WNT3A: variants seen among roughly 807,000 people sequenced by gnomAD.
WNT3A encodes the protein Wnt family member 3A.
A neutral mutation model predicts 37.0 loss-of-function variants in WNT3A; 17 were observed. The observed-to-expected ratio is 0.46, with a 90% confidence interval of 0.31 to 0.69. The LOEUF is 0.69. Ranked by LOEUF, WNT3A falls within the 30% of genes least tolerant of loss-of-function variation. WNT3A has a pLI of 0.05. For missense variants in WNT3A, 411 were observed against 510.2 expected (o/e 0.81, Z 1.87); for synonymous variants, 187 against 211.0 (o/e 0.89, Z 0.99).
chr1:228,018,868 T>C (rs2030610259), intron 1 of WNT3A, among the ~76,000 whole-genome samples: 1 of 152,210 alleles, frequency 6.6e-6, no homozygotes, highest in Non-Finnish European at 1.5e-5. Flanking sequence ...CCAGGCCTTC[T>C]GGTGGCCTGG....
At chr1:228,025,112 G>A (rs937080971) in intron 2 of WNT3A, among the ~76,000 whole-genome samples, 4 of 152,048 alleles carry the variant, frequency 2.6e-5, no homozygotes, top group Admixed American at 2.0e-4. Flanking sequence ...AGATTGTTTG[G>A]GGGGGACAGG....
intron 3 of WNT3A, among the ~76,000 whole-genome samples, chr1:228,054,379 C>G (rs1434833717): frequency 1.3e-5 from 2 of 151,966 alleles, no homozygotes; most frequent in Non-Finnish European, 2.9e-5. Context: ...AATCCCAGCA[C>G]TTTGGGAGGC....
chr1:228,040,970 T>TA (rs1571807735), intron 2 of WNT3A, among the ~76,000 whole-genome samples: 1 of 128,404 alleles, frequency 7.8e-6, no homozygotes, highest in Admixed American at 7.8e-5. Context: ...TGGTAGATAT[T>TA]TTATATATAT....
chr1:228,047,234 T>A (rs1041958764), intron 2 of WNT3A, among the ~76,000 whole-genome samples: 4 of 152,058 alleles, frequency 2.6e-5, no homozygotes, highest in Non-Finnish European at 5.9e-5. Flanking sequence ...GACAGGGCCC[T>A]AGGGAGGGAC....
chr1:228,043,359 T>C (rs1364355267), intron 2 of WNT3A, among the ~76,000 whole-genome samples: 1 of 152,196 alleles, frequency 6.6e-6, no homozygotes, highest in Non-Finnish European at 1.5e-5. Flanking sequence ...CCAGGTGACT[T>C]GGCCAAATTG....
In WNT3A at chr1:228,031,908, C is replaced by T. The variant is rs2031020238; in HGVS notation, c.313+9000C>T. Among the ~76,000 whole-genome samples the T allele has an allele frequency of 1.3e-5, 2 of 152,146 alleles. No individual in the cohort carries two copies. Among genetic ancestry groups the T allele is most frequent in the African/African-American group, 4.8e-5 (2 of 41,412 alleles). On this transcript the variant is annotated intron_variant, in intron 2 of 3. Coordinates refer to ENST00000284523, the MANE Select transcript of WNT3A (RefSeq NM_033131.4). The surrounding 1 kb of genome is among the most constrained non-coding windows in gnomAD (Gnocchi z 4.8). The stretch of plus-strand genomic sequence containing the variant: ...CAGGATGGGGTGCTTAGGGCTGCCA[C>T]TCCCCCTCTGAGAAGGAAGCAGCGA...
intron 1 of WNT3A, among the ~76,000 whole-genome samples, chr1:228,013,293 C>G (rs990970152): frequency 4.6e-5 from 7 of 152,204 alleles, no homozygotes; most frequent in African/African-American, 1.4e-4. Context: ...ATCCCCCACC[C>G]CACCCCTCAC....
At chr1:228,020,439 C>T (rs1225622868) in intron 1 of WNT3A, among the ~76,000 whole-genome samples, 1 of 152,240 alleles carries the variant, frequency 6.6e-6, no homozygotes, top group African/African-American at 2.4e-5. Context: ...CAGTCCAGGT[C>T]ACAGACAGCT....
At chr1:228,019,279 T>C (rs3094913) in intron 1 of WNT3A, among the ~76,000 whole-genome samples, 67,780 of 152,084 alleles carry the variant, frequency 0.45, 16,665 homozygotes, top group Middle Eastern at 0.61. Flanking sequence ...GGTCATAGTG[T>C]TCTGGGGGTG....
rs1571819296 is a variant in WNT3A at position 228,059,300 on chromosome 1, C to T, written c.894C>T (p.Asn298=). The change falls in exon 4 of 4, where the codon AAC becomes AAT. Residue 298 remains asparagine, a synonymous_variant. Coordinates refer to ENST00000284523, the MANE Select transcript of WNT3A (RefSeq NM_033131.4). ...GSFGTRDRTC[N]VSSHGIDGCD... ...TCGGCACGCGCGACCGCACCTGCAA[C>T]GTCAGCTCGCACGGCATCGACGGCT... The T allele has an allele frequency of 1.9e-6, 3 of 1,585,318 alleles. No homozygotes were observed. The Admixed American group carries it at 5.3e-5, about 28-fold the overall frequency.
intron 2 of WNT3A, among the ~76,000 whole-genome samples, chr1:228,027,164 T>C (rs1040383240): frequency 2.6e-5 from 4 of 152,240 alleles, no homozygotes; most frequent in Admixed American, 1.3e-4. Flanking sequence ...GTTTTCTTTA[T>C]CCACTTGTGA....
rs1014380365 is a variant in WNT3A, at chr1:228,030,429, A to T, written c.313+7521A>T. Among the ~76,000 whole-genome samples, 7 of 151,728 alleles carry T rather than the reference A, an allele frequency of 4.6e-5. No individual in the cohort carries two copies. The East Asian group carries it at 1.3e-3, about 29-fold the overall frequency. ...AAAAAGGAAAAATATAAATAAATAA[A>T]CAAATAATAAATAAATAAAAAGGAA... On this transcript the variant is annotated intron_variant, in intron 2 of 3. Transcript: ENST00000284523.
intron 2 of WNT3A, among the ~76,000 whole-genome samples, chr1:228,034,561 C>A (rs2031090498): frequency 1.3e-5 from 2 of 152,166 alleles, no homozygotes; most frequent in South Asian, 4.1e-4. Flanking sequence ...ATGTTAGCTG[C>A]AGGTAGGCCC....
intron 1 of WNT3A, among the ~76,000 whole-genome samples, chr1:228,017,600 C>G (rs1238652690): frequency 6.6e-6 from 1 of 152,212 alleles, no homozygotes; most frequent in Non-Finnish European, 1.5e-5. Flanking sequence ...GTGGTTCCAA[C>G]TACTTGGGAG....
chr1:228,043,863 T>C (rs2031343085), intron 2 of WNT3A, among the ~76,000 whole-genome samples: 1 of 152,180 alleles, frequency 6.6e-6, no homozygotes, highest in Admixed American at 6.5e-5. Flanking sequence ...TCTAGAACCT[T>C]GGGTGGAATC....
intron 1 of WNT3A, among the ~76,000 whole-genome samples, chr1:228,019,691 G>T (rs1273258362): frequency 6.6e-6 from 1 of 152,226 alleles, no homozygotes; most frequent in African/African-American, 2.4e-5. Context: ...ACTGAAGTCA[G>T]CCTGCTTTAT....
chr1:228,011,934 C>G (rs1021657058), intron 1 of WNT3A, among the ~76,000 whole-genome samples: 1 of 152,250 alleles, frequency 6.6e-6, no homozygotes, highest in African/African-American at 2.4e-5. Flanking sequence ...GCCTCAGGGA[C>G]GCACAGCACC....
At chr1:228,010,687 C>T (rs1364791788) in intron 1 of WNT3A, among the ~76,000 whole-genome samples, 2 of 152,234 alleles carry the variant, frequency 1.3e-5, no homozygotes, top group African/African-American at 2.4e-5. Flanking sequence ...AGATGGCCAC[C>T]CCAGTTGTCC....
At chr1:228,046,823 TATGTGTGTGTTTGC>T (rs1320105147) in intron 2 of WNT3A, among the ~76,000 whole-genome samples, 1 of 149,314 alleles carries the variant, frequency 6.7e-6, no homozygotes. Flanking sequence ...TGCATGCCTA[TATGTGTGTGTTTGC>T]ATGTGTGTGT....
Sources: gnomAD v4.1 joint callset for allele counts (sites outside exome capture counted in the v4.1 genomes callset) on GRCh38, gnomAD v4.1.1 for gene constraint, Gnocchi (gnomAD v3.1) non-coding constraint, MANE v1.5 for transcripts, NCBI Gene and HGNC (gene_info 2026-07-23, HGNC 2026-07-21) for gene names.